The following SMCHD1 variants were observed in gnomAD, a reference collection of about 807,000 sequenced individuals.
The protein encoded by SMCHD1 is structural maintenance of chromosomes flexible hinge domain containing 1, also known as structural maintenance of chromosomes flexible hinge domain-containing protein 1.
In SMCHD1, 78 loss-of-function variants were observed where a neutral mutation model predicts 254.7. The ratio of observed to expected loss-of-function variants is 0.31; its 90% CI spans 0.26 to 0.37. The LOEUF (loss-of-function observed/expected upper bound fraction) is 0.37. Ranked by LOEUF, SMCHD1 falls within the 10% of genes least tolerant of loss-of-function variation. The pLI, the probability that SMCHD1 is intolerant of heterozygous loss-of-function variation, is 1.00. For synonymous variants in SMCHD1, 766 were observed against 794.9 expected (o/e 0.96, Z 0.61); for missense variants, 1,840 against 2,408.1 (o/e 0.76, Z 4.94).
intron 13 of SMCHD1, among the ~76,000 whole-genome samples, chr18:2,704,480 G>T (rs1422138417): frequency 6.6e-6 from 1 of 151,944 alleles, no homozygotes; most frequent in Non-Finnish European, 1.5e-5. Context: ...CTTTGCTCTT[G>T]GTGATATTAT....
chr18:2,777,924 C>A lies in SMCHD1; in HGVS notation c.5476+9C>A, dbSNP rs527648000. The A allele has an allele frequency of 2.0e-6, 3 of 1,475,636 alleles. No homozygotes were observed. The highest frequency in any genetic ancestry group is 2.8e-6 in the Non-Finnish European group (3 of 1,089,746). The allele number at this position is 1,475,636 out of a possible 1,614,324, so 91.4% of individuals were successfully genotyped here. On this transcript the variant is annotated intron_variant, in intron 43 of 47. Coordinates refer to ENST00000320876, the MANE Select transcript of SMCHD1 (RefSeq NM_015295.3). ...AGAACATTGTGAAACAGGTAAAAGA[C>A]ATTATGGTGACTTTACTTTTGTACA...
intron 44 of SMCHD1, among the ~76,000 whole-genome samples, chr18:2,782,744 CAAAAAAAAAAA>C (rs779083565): frequency 1.6e-4 from 7 of 44,954 alleles, no homozygotes; most frequent in Admixed American, 3.8e-4. Context: ...GACCACAACT[CAAAAAAAAAAA>C]AAAAAAAAAA....
At chr18:2,699,514 T>C (rs557796902) in intron 10 of SMCHD1, among the ~76,000 whole-genome samples, 326 of 152,182 alleles carry the variant, frequency 2.1e-3, no homozygotes, top group African/African-American at 7.5e-3. Flanking sequence ...TAATTTTTTG[T>C]ATTTTATTAG....
intron 23 of SMCHD1, 116 bp downstream of exon 23, chr18:2,728,712 G>A: frequency 8.9e-7 from 1 of 1,128,494 alleles, no homozygotes; most frequent in South Asian, 1.9e-5. Context: ...ATTATTCCGT[G>A]GAAGGATTTG....
rs1480752249 is a variant in SMCHD1 at position 2,655,898 on chromosome 18, C to T, written c.-178C>T. 5.0e-6 allele frequency: 2 copies of T among 400,124 alleles called. No homozygotes were observed. Among genetic ancestry groups the T allele is most frequent in the Admixed American group, 9.2e-5 (2 of 21,796 alleles). The allele number at this position is 400,124 out of a possible 1,614,324, so 24.8% of individuals were successfully genotyped here. ...GCAGGAGCGCGTTTGAATCGGTTCCCGGGTGATCCTCGCGCCTGCCGCTGC... is the reference window on the plus strand; with the variant it reads ...GCAGGAGCGCGTTTGAATCGGTTCCTGGGTGATCCTCGCGCCTGCCGCTGC... On this transcript the variant is annotated 5_prime_UTR_variant, in exon 1 of 48. Transcript: ENST00000320876.
Position 2,729,423 on chromosome 18 carries a change from G to A in SMCHD1, c.3048+14G>A, listed in dbSNP as rs763509605. On this transcript the variant is annotated intron_variant, in intron 24 of 47. Transcript: ENST00000320876. The stretch of plus-strand genomic sequence containing the variant: ...ATTGAAATACCTGTAAGTTATTATT[G>A]TTACTCATTGATATTATATTGAGTC... 6 of 1,492,922 alleles carry A rather than the reference G, an allele frequency of 4.0e-6. No homozygotes were observed. The highest frequency in any genetic ancestry group is 5.3e-6 in the Non-Finnish European group (6 of 1,122,596). The allele number at this position is 1,492,922 out of a possible 1,614,324, so 92.5% of individuals were successfully genotyped here. A position where few individuals can be genotyped will look rare whatever the true frequency, so the allele number is the denominator to read the frequency against.
chr18:2,674,818 T>C (rs1246753298), intron 5 of SMCHD1, among the ~76,000 whole-genome samples: 2 of 152,246 alleles, frequency 1.3e-5, no homozygotes, highest in Non-Finnish European at 2.9e-5. Context: ...TTGGTGTCTG[T>C]TCATAACCTG....
intron 1 of SMCHD1, among the ~76,000 whole-genome samples, chr18:2,658,844 G>A (rs562007749): frequency 1.7e-3 from 256 of 150,222 alleles, no homozygotes; most frequent in African/African-American, 5.9e-3. Context: ...GTATATATAT[G>A]TATATGTATA....
chr18:2,780,661 C>T (rs528905433), intron 44 of SMCHD1, among the ~76,000 whole-genome samples: 3 of 152,300 alleles, frequency 2.0e-5, no homozygotes, highest in South Asian at 4.1e-4. Flanking sequence ...TGAACTAGCT[C>T]TCTGAGGAGG....
chr18:2,784,984 AT>A (rs1218983339), intron 45 of SMCHD1: 2 of 355,984 alleles, frequency 5.6e-6, no homozygotes, highest in Non-Finnish European at 5.4e-6. Context: ...TCATTATTGA[AT>A]AAGTCAGTAT....
intron 25 of SMCHD1, among the ~76,000 whole-genome samples, chr18:2,734,515 G>T (rs1480678189): frequency 6.6e-6 from 1 of 152,150 alleles, no homozygotes; most frequent in Non-Finnish European, 1.5e-5. Context: ...TGGTTTTGTA[G>T]TGTTGAGAGA....
chr18:2,803,381 A>C lies in SMCHD1; in HGVS notation c.*829A>C, dbSNP rs1352594587. 1 of 151,796 alleles carries C rather than the reference A, an allele frequency of 6.6e-6. No homozygotes were observed. The highest frequency in any genetic ancestry group is 2.4e-5 in the African/African-American group (1 of 41,408). The allele number at this position is 151,796 out of a possible 1,614,324, so 9.4% of individuals were successfully genotyped here. A position where few individuals can be genotyped will look rare whatever the true frequency, so the allele number is the denominator to read the frequency against. ...GGGGTTAAAGAGAACATACATTCTC[A>C]CATTAGTGTACTTTCTGGTAGAAAG... is the stretch of plus-strand genomic sequence containing the variant. On this transcript the variant is annotated 3_prime_UTR_variant, in exon 48 of 48. Transcript: ENST00000320876.
intron 44 of SMCHD1, among the ~76,000 whole-genome samples, chr18:2,779,826 T>C (rs2076125240): frequency 6.6e-6 from 1 of 151,500 alleles, no homozygotes; most frequent in Non-Finnish European, 1.5e-5. Flanking sequence ...TGCGATTCTG[T>C]CTAAAAAAAT....
chr18:2,796,668 C>T (rs566844200), intron 47 of SMCHD1, 147 bp downstream of exon 47: 35 of 594,630 alleles, frequency 5.9e-5, no homozygotes, highest in African/African-American at 5.1e-4. Flanking sequence ...GCAACCTCTG[C>T]CTTCCAGGCC....
intron 9 of SMCHD1, 71 bp from the exon 10 acceptor site, chr18:2,697,760 T>C: frequency 1.0e-6 from 1 of 985,234 alleles, no homozygotes; most frequent in East Asian, 2.5e-5. Flanking sequence ...TATTCTGTTG[T>C]TGAATCATAG....
chr18:2,725,205 A>T (rs1471227992), intron 21 of SMCHD1, among the ~76,000 whole-genome samples: 1 of 151,994 alleles, frequency 6.6e-6, no homozygotes, highest in African/African-American at 2.4e-5. Context: ...TGTTGATTAA[A>T]CATGAATTAA....
At chr18:2,666,764 C>A (rs1041426837) in intron 2 of SMCHD1, 106 bp from the exon 3 acceptor site, 1 of 907,384 alleles carries the variant, frequency 1.1e-6, no homozygotes, top group African/African-American at 1.7e-5. Context: ...TTTTTCTTTA[C>A]CATCATTAAA....
intron 5 of SMCHD1, among the ~76,000 whole-genome samples, chr18:2,685,461 A>G (rs1227267927): frequency 6.6e-6 from 1 of 152,098 alleles, no homozygotes; most frequent in Non-Finnish European, 1.5e-5. Context: ...AAATAACATA[A>G]AATTTGCAGT....
At chr18:2,707,456 A>G in intron 15 of SMCHD1, 107 bp from the exon 16 acceptor site, 1 of 626,956 alleles carries the variant, frequency 1.6e-6, no homozygotes, top group Non-Finnish European at 2.6e-6. Context: ...TTAACCTTTT[A>G]AAATATATCA....
Sources: gnomAD v4.1 joint callset for allele counts (sites outside exome capture counted in the v4.1 genomes callset) on GRCh38, gnomAD v4.1.1 for gene constraint, MANE v1.5 for transcripts, NCBI Gene and HGNC (gene_info 2026-07-23, HGNC 2026-07-21) for gene names.